SLC60A1: variants seen among roughly 807,000 people sequenced by gnomAD.
SLC60A1 encodes solute carrier family 60 member 1.
chr1:205,583,774 C>T, the SLC60A1 span, among the ~76,000 whole-genome samples: 1 of 152,216 alleles, frequency 6.6e-6, no homozygotes, highest in Non-Finnish European at 1.5e-5. Context: ...CAGGCCTCCC[C>T]ACTCCTACCT....
the SLC60A1 span, among the ~76,000 whole-genome samples, chr1:205,577,486 G>A: frequency 2.6e-5 from 4 of 152,204 alleles, no homozygotes; most frequent in South Asian, 2.1e-4. The surrounding 1 kb of genome is among the most constrained non-coding windows in gnomAD (Gnocchi z 5.2). Flanking sequence ...AGTGATGCTC[G>A]CGAGCATGTG....
the SLC60A1 span, among the ~76,000 whole-genome samples, chr1:205,576,322 C>T: frequency 0.34 from 52,112 of 152,060 alleles, 9,649 homozygotes; most frequent in Non-Finnish European, 0.41. Context: ...CAGTGAGCAC[C>T]TGGGAGGGGT....
chr1:205,592,901 G>A, the SLC60A1 span, among the ~76,000 whole-genome samples: 1 of 152,280 alleles, frequency 6.6e-6, no homozygotes, highest in Middle Eastern at 3.4e-3. Context: ...CATAGGAAAG[G>A]CATTTTGTAA....
chr1:205,569,785 G>A, the SLC60A1 span, among the ~76,000 whole-genome samples: 1 of 152,094 alleles, frequency 6.6e-6, no homozygotes, highest in Non-Finnish European at 1.5e-5. Flanking sequence ...GCTGGAGGTG[G>A]CCTGCGGCTT....
chr1:205,591,119 G>A, the SLC60A1 span, among the ~76,000 whole-genome samples: 3 of 152,112 alleles, frequency 2.0e-5, no homozygotes, highest in South Asian at 2.1e-4. Context: ...ACATAAAAAC[G>A]TGTTTAAAGA....
chr1:205,593,508 T>G, the SLC60A1 span, among the ~76,000 whole-genome samples: 1 of 149,894 alleles, frequency 6.7e-6, no homozygotes, highest in Non-Finnish European at 1.5e-5. Flanking sequence ...GTGGGGGAAG[T>G]TGGTGTACAG....
chr1:205,596,956 A>G, the SLC60A1 span, among the ~76,000 whole-genome samples: 7 of 152,212 alleles, frequency 4.6e-5, no homozygotes, highest in African/African-American at 7.2e-5. Context: ...CTAAGGTCAC[A>G]TGGCCAGTAG....
chr1:205,576,425 A>G, the SLC60A1 span, among the ~76,000 whole-genome samples: 1 of 152,186 alleles, frequency 6.6e-6, no homozygotes, highest in African/African-American at 2.4e-5. Flanking sequence ...AACCTCATGC[A>G]GAGCTTGTTA....
chr1:205,574,356 G>C, the SLC60A1 span, among the ~76,000 whole-genome samples: 1 of 151,854 alleles, frequency 6.6e-6, no homozygotes, highest in Non-Finnish European at 1.5e-5. Context: ...GAAGTGGGAG[G>C]GTCACTTGAG....
chr1:205,597,874 AGGGGAGCATTT>A, the SLC60A1 span: 3 of 1,612,128 alleles, frequency 1.9e-6, no homozygotes, highest in Non-Finnish European at 2.5e-6. Flanking sequence ...TGTAAGGGAG[AGGGGAGCATTT>A]GGGGAGCACT....
the SLC60A1 span, among the ~76,000 whole-genome samples, chr1:205,573,690 G>T: frequency 6.6e-6 from 1 of 152,140 alleles, no homozygotes; most frequent in Admixed American, 6.5e-5. Context: ...ATGAATATAA[G>T]ATTTCTTTTT....
At chr1:205,598,022 T>G in the SLC60A1 span, 1 of 621,760 alleles carries the variant, frequency 1.6e-6, no homozygotes, top group Non-Finnish European at 2.9e-6. Context: ...AAGCCAGCCC[T>G]GAGAGCTGAG....
chr1:205,588,033 G>A, the SLC60A1 span, among the ~76,000 whole-genome samples: 2 of 152,140 alleles, frequency 1.3e-5, no homozygotes, highest in Admixed American at 6.5e-5. Context: ...GAGTGAATCC[G>A]AATGTCCAGG....
chr1:205,599,227 A>G, the SLC60A1 span: 3 of 1,614,090 alleles, frequency 1.9e-6, no homozygotes, highest in Non-Finnish European at 1.7e-6. Context: ...GTTTTTCCAC[A>G]GGATGCACCC....
At chr1:205,593,730 CCT>C in the SLC60A1 span, among the ~76,000 whole-genome samples, 31 of 152,226 alleles carry the variant, frequency 2.0e-4, no homozygotes, top group African/African-American at 6.7e-4. Context: ...ACTGCAAAAA[CCT>C]CAAACAATAG....
chr1:205,588,440 A>C, the SLC60A1 span, among the ~76,000 whole-genome samples: 1 of 132,880 alleles, frequency 7.5e-6, no homozygotes, highest in Non-Finnish European at 1.6e-5. Flanking sequence ...ACTGCCCTCC[A>C]GCCTGAGAGA....
chr1:205,602,837 AT>A, the SLC60A1 span: 1 of 152,248 alleles, frequency 6.6e-6, no homozygotes, highest in Non-Finnish European at 1.5e-5. Context: ...ATCGAAGTTG[AT>A]TGTGACTAAT....
the SLC60A1 span, chr1:205,600,607 T>A: frequency 1.5e-6 from 1 of 680,468 alleles, no homozygotes; most frequent in Non-Finnish European, 2.6e-6. Flanking sequence ...GTAGAGGAAA[T>A]TAAATTGAGT....
the SLC60A1 span, among the ~76,000 whole-genome samples, chr1:205,591,089 A>G: frequency 3.9e-4 from 60 of 152,318 alleles, no homozygotes; most frequent in Admixed American, 1.2e-3. Flanking sequence ...TACATCTTGC[A>G]CAGAAGTGAC....
Sources: allele counts gnomAD v4.1 joint callset (sites outside exome capture counted in the v4.1 genomes callset), GRCh38; gene constraint gnomAD v4.1.1; non-coding constraint Gnocchi (gnomAD v3.1); transcripts MANE v1.5; gene names NCBI Gene and HGNC (gene_info 2026-07-23, HGNC 2026-07-21).